The following TENM3 variants were observed in gnomAD, a reference collection of about 807,000 sequenced individuals.
TENM3 encodes teneurin transmembrane protein 3.
Under a neutral mutation model 255.1 loss-of-function variants are expected in TENM3, and 63 were observed. That is an observed-to-expected ratio of 0.25 (90% CI 0.20 to 0.30). The LOEUF (loss-of-function observed/expected upper bound fraction) is 0.30, where lower values mean the gene tolerates loss of function less well. TENM3 is among the 10% of genes least tolerant of loss of function. The pLI is 1.00. For synonymous variants in TENM3, 1,306 were observed against 1,322.3 expected (o/e 0.99, Z 0.27); for missense variants, 2,929 against 3,461.1 (o/e 0.85, Z 3.86).
chr4:182,762,290 A>G (rs933823253), intron 22 of TENM3, among the ~76,000 whole-genome samples: 1 of 152,224 alleles, frequency 6.6e-6, no homozygotes, highest in Non-Finnish European at 1.5e-5. Context: ...AGCTTCCACA[A>G]GTGTCCAGTT....
At chr4:182,187,550 C>A (rs866817907) in intron 1 of TENM3, among the ~76,000 whole-genome samples, 1 of 152,062 alleles carries the variant, frequency 6.6e-6, no homozygotes, top group African/African-American at 2.4e-5. Flanking sequence ...CCCTCCCACC[C>A]GCTTTTTTTA....
the TENM3 span, among the ~76,000 whole-genome samples, chr4:181,542,849 T>C: frequency 2.6e-5 from 4 of 152,156 alleles, no homozygotes; most frequent in Non-Finnish European, 5.9e-5. Context: ...TATCCTGAGT[T>C]TTGTATTGTC....
chr4:181,909,109 G>T, the TENM3 span, among the ~76,000 whole-genome samples: 219 of 151,982 alleles, frequency 1.4e-3, 3 homozygotes, highest in African/African-American at 4.7e-3. Context: ...AATTTCTCTC[G>T]ACTATTTTAA....
chr4:182,735,217 A>C (rs1761071171), intron 16 of TENM3, among the ~76,000 whole-genome samples: 1 of 152,234 alleles, frequency 6.6e-6, no homozygotes, highest in African/African-American at 2.4e-5. Context: ...GAATTCAGTC[A>C]GCATGTTTGA....
At chr4:182,730,754 A>G in intron 15 of TENM3, 124 bp from the exon 16 acceptor site, 1 of 1,043,108 alleles carries the variant, frequency 9.6e-7, no homozygotes, top group Non-Finnish European at 1.4e-6. Flanking sequence ...ATCTGAAAAT[A>G]TTTCATATAA....
chr4:181,951,675 A>C, the TENM3 span, among the ~76,000 whole-genome samples: 1 of 152,242 alleles, frequency 6.6e-6, no homozygotes, highest in African/African-American at 2.4e-5. Context: ...AAAGATATCT[A>C]TTAACTGTTT....
At chr4:181,977,743 G>A in the TENM3 span, among the ~76,000 whole-genome samples, 7 of 152,132 alleles carry the variant, frequency 4.6e-5, no homozygotes, top group Non-Finnish European at 1.0e-4. Flanking sequence ...AGAAGATAAA[G>A]GACTTTGCTT....
At chr4:182,485,851 T>C (rs75396328) in intron 3 of TENM3, among the ~76,000 whole-genome samples, 168 of 152,226 alleles carry the variant, frequency 1.1e-3, no homozygotes, top group African/African-American at 3.8e-3. Context: ...AACAGGAGAT[T>C]GTAGAGTATG....
chr4:182,705,311 A>G (rs951878896), intron 12 of TENM3, among the ~76,000 whole-genome samples: 2 of 152,250 alleles, frequency 1.3e-5, no homozygotes, highest in East Asian at 1.9e-4. Flanking sequence ...GAAATGCTCA[A>G]TGCTAACTAA....
chr4:181,641,805 C>CGT, the TENM3 span, among the ~76,000 whole-genome samples: 43 of 31,440 alleles, frequency 1.4e-3, 1 homozygote, highest in Non-Finnish European at 1.7e-3. Flanking sequence ...ACACACACAC[C>CGT]ATATATATAT....
At chr4:182,608,477 G>A (rs867404633) in intron 4 of TENM3, among the ~76,000 whole-genome samples, 1 of 152,064 alleles carries the variant, frequency 6.6e-6, no homozygotes, top group Admixed American at 6.5e-5. Flanking sequence ...GCTGCTTGGC[G>A]TTTATTTTCC....
chr4:181,886,484 C>A, the TENM3 span, among the ~76,000 whole-genome samples: 77 of 152,272 alleles, frequency 5.1e-4, no homozygotes, highest in African/African-American at 1.8e-3. Flanking sequence ...ACATGAAAAT[C>A]ATTAATTAAA....
At chr4:182,003,338 G>A in the TENM3 span, among the ~76,000 whole-genome samples, 1 of 152,038 alleles carries the variant, frequency 6.6e-6, no homozygotes, top group Admixed American at 6.6e-5. Context: ...TGCAACCAGT[G>A]TTTCTTTCCA....
At chr4:182,755,565 G>T (rs528679317) in intron 22 of TENM3, among the ~76,000 whole-genome samples, 1 of 151,984 alleles carries the variant, frequency 6.6e-6, no homozygotes, top group Non-Finnish European at 1.5e-5. Flanking sequence ...ATGGCCGGGC[G>T]CAGTGGCTCA....
At chr4:182,081,792 T>C in the TENM3 span, 1 of 152,068 alleles carries the variant, frequency 6.6e-6, no homozygotes, top group Non-Finnish European at 1.5e-5. Flanking sequence ...CCGTAGATTC[T>C]TGATCCATCC....
chr4:181,501,597 C>T, the TENM3 span, among the ~76,000 whole-genome samples: 4 of 151,994 alleles, frequency 2.6e-5, no homozygotes, highest in Non-Finnish European at 5.9e-5. Context: ...CCAGGCTGCT[C>T]TCGAATTCCT....
the TENM3 span, among the ~76,000 whole-genome samples, chr4:182,100,822 C>CACACACAT: frequency 3.4e-3 from 36 of 10,516 alleles, 4 homozygotes; most frequent in African/African-American, 0.013. Flanking sequence ...TATATATACA[C>CACACACAT]ATATATATAT....
At chr4:181,804,423 C>A in the TENM3 span, among the ~76,000 whole-genome samples, 7 of 151,954 alleles carry the variant, frequency 4.6e-5, no homozygotes, top group Non-Finnish European at 7.4e-5. Context: ...CAGACAGACA[C>A]ACAAATAATA....
chr4:181,604,253 A>T, the TENM3 span, among the ~76,000 whole-genome samples: 5 of 152,184 alleles, frequency 3.3e-5, no homozygotes, highest in African/African-American at 1.2e-4. Context: ...CGACAGAGCG[A>T]GACTCCGTCT....
Sources: gnomAD v4.1 joint callset for allele counts (sites outside exome capture counted in the v4.1 genomes callset) on GRCh38, gnomAD v4.1.1 for gene constraint, MANE v1.5 for transcripts, NCBI Gene and HGNC (gene_info 2026-07-23, HGNC 2026-07-21) for gene names.